The following THSD7B variants were observed in gnomAD, a reference collection of about 807,000 sequenced individuals.
THSD7B encodes the protein thrombospondin type-1 domain-containing protein 7B.
Under a neutral mutation model 213.6 loss-of-function variants are expected in THSD7B, and 138 were observed. The observed-to-expected ratio is 0.65, with a 90% CI of 0.56 to 0.74. The LOEUF is 0.74. Among genes scored for constraint, THSD7B ranks in the 30% least tolerant of loss-of-function variants. The pLI is 0.00. For synonymous variants in THSD7B, 742 were observed against 687.0 expected (o/e 1.08, Z -1.25); for missense variants, 1,931 against 1,991.5 (o/e 0.97, Z 0.58).
intron 7 of THSD7B, among the ~76,000 whole-genome samples, chr2:137,230,327 G>A (rs1681607599): frequency 6.6e-6 from 1 of 152,166 alleles, no homozygotes; most frequent in Non-Finnish European, 1.5e-5. Context: ...AGTATTTACA[G>A]AAAGGTACTG....
intron 12 of THSD7B, among the ~76,000 whole-genome samples, chr2:137,356,463 C>T (rs955262518): frequency 6.6e-6 from 1 of 152,198 alleles, no homozygotes; most frequent in Non-Finnish European, 1.5e-5. Context: ...CAAAAGATGT[C>T]TGTGTTAGAT....
At chr2:137,323,713 A>G (rs914271953) in intron 12 of THSD7B, among the ~76,000 whole-genome samples, 2 of 152,194 alleles carry the variant, frequency 1.3e-5, no homozygotes, top group Non-Finnish European at 2.9e-5. Context: ...AAACCTGATG[A>G]CAAATTTGTC....
At chr2:136,802,076 T>TA (rs1362406950) in intron 1 of THSD7B, among the ~76,000 whole-genome samples, 2 of 152,026 alleles carry the variant, frequency 1.3e-5, no homozygotes, top group African/African-American at 4.8e-5. Flanking sequence ...CCTCCCTGAA[T>TA]CATTGTAAGT....
intron 21 of THSD7B, among the ~76,000 whole-genome samples, chr2:137,651,020 C>T (rs1295745108): frequency 6.6e-6 from 1 of 152,140 alleles, no homozygotes; most frequent in Non-Finnish European, 1.5e-5. Context: ...ACCAGTGATA[C>T]TGGCCTATAG....
In THSD7B at chr2:137,512,041, A is replaced by G. The variant is rs535490221; in HGVS notation, c.3139-51180A>G. 4 of 152,278 alleles carry G rather than the reference A, an allele frequency of 2.6e-5. No individual in the cohort carries two copies. The East Asian group carries it at 7.7e-4, about 29-fold the overall frequency. The allele number at this position is 152,278 out of a possible 1,614,324, so 9.4% of individuals were successfully genotyped here. On this transcript the variant is annotated intron_variant, in intron 15 of 27. Coordinates refer to ENST00000409968, the MANE Select transcript of THSD7B (RefSeq NM_001316349.2). ...AATTAGCAGGCTTCATGCACAAACAATGTTCAAATTGTTACCTGCCTTTTA... is the reference window on the plus strand; with the variant it reads ...AATTAGCAGGCTTCATGCACAAACAGTGTTCAAATTGTTACCTGCCTTTTA...
intron 7 of THSD7B, among the ~76,000 whole-genome samples, chr2:137,187,279 C>T (rs1301183512): frequency 6.6e-6 from 1 of 152,228 alleles, no homozygotes; most frequent in Non-Finnish European, 1.5e-5. Flanking sequence ...GGACAGGTGG[C>T]TTGTGAACCA....
At chr2:137,140,032 A>G (rs887881659) in intron 5 of THSD7B, among the ~76,000 whole-genome samples, 1 of 152,044 alleles carries the variant, frequency 6.6e-6, no homozygotes, top group Non-Finnish European at 1.5e-5. Context: ...AAGTTTAAAA[A>G]TTTTTCATTC....
intron 26 of THSD7B, among the ~76,000 whole-genome samples, chr2:137,666,337 A>T (rs995749739): frequency 5.3e-5 from 8 of 152,086 alleles, no homozygotes; most frequent in South Asian, 2.1e-4. Flanking sequence ...TAGTGTTTCA[A>T]AGAGATTAGA....
At chr2:136,819,102 T>C (rs1682530345) in intron 1 of THSD7B, among the ~76,000 whole-genome samples, 1 of 152,134 alleles carries the variant, frequency 6.6e-6, no homozygotes, top group South Asian at 2.1e-4. Context: ...TCCTCCAGTG[T>C]CAACAGTGGG....
intron 3 of THSD7B, among the ~76,000 whole-genome samples, chr2:137,086,696 T>G (rs919435782): frequency 1.3e-5 from 2 of 152,204 alleles, no homozygotes; most frequent in Non-Finnish European, 2.9e-5. Context: ...TGGACCAATT[T>G]GCAGAACAGG....
chr2:136,877,814 C>T (rs967237093), intron 1 of THSD7B, among the ~76,000 whole-genome samples: 6 of 151,870 alleles, frequency 4.0e-5, no homozygotes, highest in African/African-American at 1.5e-4. Flanking sequence ...GGGAGCAGGG[C>T]AATGTCTTTT....
intron 12 of THSD7B, among the ~76,000 whole-genome samples, chr2:137,358,629 T>A (rs1685186094): frequency 6.6e-6 from 1 of 152,166 alleles, no homozygotes; most frequent in Admixed American, 6.5e-5. Flanking sequence ...CTACTGGCAA[T>A]TTCCATGATT....
At chr2:136,871,671 G>C (rs1376586330) in intron 1 of THSD7B, among the ~76,000 whole-genome samples, 1 of 152,180 alleles carries the variant, frequency 6.6e-6, no homozygotes, top group African/African-American at 2.4e-5. Context: ...TTCAGAATCA[G>C]GTAGGGCCTG....
chr2:137,345,254 G>A (rs1341114481), intron 12 of THSD7B, among the ~76,000 whole-genome samples: 2 of 151,668 alleles, frequency 1.3e-5, no homozygotes, highest in Non-Finnish European at 3.0e-5. Flanking sequence ...CTATTCCCAA[G>A]AAGAGAGGTT....
At chr2:137,273,468 G>C (rs1455130663) in intron 11 of THSD7B, among the ~76,000 whole-genome samples, 1 of 152,016 alleles carries the variant, frequency 6.6e-6, no homozygotes, top group Admixed American at 6.6e-5. Context: ...TTACTGATTT[G>C]TGAATATAAT....
intron 2 of THSD7B, among the ~76,000 whole-genome samples, chr2:136,917,401 G>A (rs1383079874): frequency 6.6e-6 from 1 of 152,324 alleles, no homozygotes; most frequent in South Asian, 2.1e-4. Flanking sequence ...TCGTTGCATG[G>A]TTTAGTCTGC....
rs1252743886 is a variant in THSD7B, at chr2:136,836,497, G to A, written c.-35-45647G>A. ...CTTTTTGTATATATTGTATTAATTG[G>A]TAAAGCCACCTTGCGACCTAACATC... On this transcript the variant is annotated intron_variant, in intron 1 of 27. Coordinates refer to ENST00000409968, the MANE Select transcript of THSD7B (RefSeq NM_001316349.2). Among the ~76,000 whole-genome samples the A allele has an allele frequency of 2.6e-5, 4 of 152,090 alleles. No homozygotes were observed. In the East Asian group the frequency reaches 7.7e-4, roughly 29 times the overall value.
At chr2:137,455,853 ATGT>A (rs1687752249) in intron 15 of THSD7B, among the ~76,000 whole-genome samples, 1 of 152,172 alleles carries the variant, frequency 6.6e-6, no homozygotes, top group African/African-American at 2.4e-5. Flanking sequence ...ATTTTTTTAA[ATGT>A]TGCCTAATAG....
intron 17 of THSD7B, among the ~76,000 whole-genome samples, chr2:137,591,698 T>C (rs1157439727): frequency 6.6e-6 from 1 of 151,928 alleles, no homozygotes; most frequent in Non-Finnish European, 1.5e-5. Flanking sequence ...AGGATGCTAT[T>C]ACAATTATAT....
Sources: gnomAD v4.1 joint callset for allele counts (sites outside exome capture counted in the v4.1 genomes callset) on GRCh38, gnomAD v4.1.1 for gene constraint, MANE v1.5 for transcripts, NCBI Gene and HGNC (gene_info 2026-07-23, HGNC 2026-07-21) for gene names.